The following ZNF292 variants were observed in gnomAD, a reference collection of about 807,000 sequenced individuals.
ZNF292 encodes the protein zinc finger protein 292.
ZNF292 carries 26 observed loss-of-function variants against 217.9 expected under a neutral mutation model. The ratio of observed to expected loss-of-function variants is 0.12; its 90% CI spans 0.09 to 0.17. The LOEUF is 0.17. Ranked by LOEUF, ZNF292 falls within the 10% of genes least tolerant of loss-of-function variation. ZNF292 has a pLI of 1.00. For missense variants in ZNF292, 2,904 were observed against 3,175.2 expected (o/e 0.91, Z 2.05); for synonymous variants, 1,257 against 1,124.1 (o/e 1.12, Z -2.37).
intron 7 of ZNF292, among the ~76,000 whole-genome samples, chr6:87,252,507 C>T (rs1774971819): frequency 6.6e-6 from 1 of 152,292 alleles, no homozygotes; most frequent in African/African-American, 2.4e-5. Flanking sequence ...TCTGAATAAT[C>T]ACACTGCTTC....
chr6:87,163,884 C>T (rs771027682), intron 1 of ZNF292, among the ~76,000 whole-genome samples: 58 of 152,090 alleles, frequency 3.8e-4, no homozygotes, highest in Non-Finnish European at 6.6e-4. Context: ...TAGATTAAAA[C>T]CAGACTAAGA....
At chr6:87,204,566 T>TC (rs1171274763) in intron 1 of ZNF292, among the ~76,000 whole-genome samples, 1 of 140,508 alleles carries the variant, frequency 7.1e-6, no homozygotes, top group Non-Finnish European at 1.5e-5. Flanking sequence ...TTTTTTTTTT[T>TC]TTTTTTTTTT....
chr6:87,224,887 T>C (rs1773264810), intron 4 of ZNF292, among the ~76,000 whole-genome samples: 1 of 152,164 alleles, frequency 6.6e-6, no homozygotes, highest in Admixed American at 6.5e-5. Context: ...TGAAAATACA[T>C]GGGAGTATGA....
intron 1 of ZNF292, among the ~76,000 whole-genome samples, chr6:87,159,660 G>T (rs948605307): frequency 1.3e-5 from 2 of 151,974 alleles, no homozygotes; most frequent in Admixed American, 6.6e-5. Context: ...GTGCCACCAT[G>T]CCCGGCTAAT....
chr6:87,252,177 G>A (rs1774955129), intron 7 of ZNF292, among the ~76,000 whole-genome samples: 1 of 150,960 alleles, frequency 6.6e-6, no homozygotes, highest in Non-Finnish European at 1.5e-5. Flanking sequence ...TTGAGACGTT[G>A]TTTTGCTCTC....
Position 87,258,282 on chromosome 6 carries a change from T to C in ZNF292, c.4653T>C (p.Asn1551=), listed in dbSNP as rs1033650902. The C allele has an allele frequency of 6.2e-7, 1 of 1,613,418 alleles. No individual in the cohort carries two copies. The highest frequency in any genetic ancestry group is 8.5e-7 in the Non-Finnish European group (1 of 1,179,688). The change falls in exon 8 of 8, where the codon AAT becomes AAC. Residue 1551 remains asparagine, a synonymous_variant. Coordinates refer to ENST00000369577, the MANE Select transcript of ZNF292 (RefSeq NM_015021.3). ...CAAACACCTTGCTGACCAACCAGAA[T>C]AGGACGTCAAACTCCAAAACTTCCT... The part of the protein sequence containing the change: ...CHPNTLLTNQ[N]RTSNSKTSSI...
intron 7 of ZNF292, among the ~76,000 whole-genome samples, 166 bp from the exon 8 acceptor site, chr6:87,254,484 A>G (rs1042031224): frequency 6.6e-6 from 1 of 152,236 alleles, no homozygotes; most frequent in Non-Finnish European, 1.5e-5. Flanking sequence ...TTCATTTTAC[A>G]TACACACATA....
intron 3 of ZNF292, among the ~76,000 whole-genome samples, chr6:87,217,399 C>A (rs189319162): frequency 6.6e-6 from 1 of 152,178 alleles, no homozygotes; most frequent in African/African-American, 2.4e-5. Context: ...GTGTCTTGTC[C>A]TGTTTGTCAC....
rs763718160 is a variant in ZNF292, at chr6:87,216,000, G to A, written c.266G>A (p.Arg89Gln). ...TVAIQSYVKARPYLTSECENV... is the reference protein window; with the variant it reads ...TVAIQSYVKAQPYLTSECENV... Reference sequence around the variant, plus strand: ...GCTATCCAAAGTTATGTTAAAGCCCGACCTTATCTTACCTCTGAATGTGAA... The same window carrying A: ...GCTATCCAAAGTTATGTTAAAGCCCAACCTTATCTTACCTCTGAATGTGAA... Residue 89 changes from arginine (R) to glutamine (Q), a missense_variant, in exon 2 of 8, where the codon CGA becomes CAA. By Grantham distance (43) the Arg-to-Gln change is conservative (BLOSUM62 1). Around this residue, in one of 15 missense-constraint regions of ZNF292, gnomAD observed 313 missense variants for 451.0 expected, o/e 0.69. Coordinates refer to ENST00000369577, the MANE Select transcript of ZNF292 (RefSeq NM_015021.3). 12 of 1,586,930 alleles carry A rather than the reference G, an allele frequency of 7.6e-6. No homozygotes were observed. Among genetic ancestry groups the A allele is most frequent in the Non-Finnish European group, 1.0e-5 (12 of 1,172,074 alleles).
intron 4 of ZNF292, among the ~76,000 whole-genome samples, chr6:87,228,037 T>C (rs1773447582): frequency 6.6e-6 from 1 of 152,152 alleles, no homozygotes; most frequent in South Asian, 2.1e-4. Context: ...CCATAGAGGG[T>C]ACATCATTTT....
chr6:87,210,102 G>T (rs1772419665), intron 1 of ZNF292, among the ~76,000 whole-genome samples: 1 of 152,096 alleles, frequency 6.6e-6, no homozygotes, highest in Non-Finnish European at 1.5e-5. Flanking sequence ...GGCAACTAAA[G>T]GAAGCTATCA....
intron 7 of ZNF292, among the ~76,000 whole-genome samples, chr6:87,249,930 G>C (rs959061052): frequency 6.7e-6 from 1 of 149,050 alleles, no homozygotes; most frequent in Middle Eastern, 3.5e-3. Flanking sequence ...GGCTGGTCTC[G>C]AACTCCTGAC....
In ZNF292 at chr6:87,215,888, T is replaced by C; in HGVS notation, c.169-15T>C. On this transcript the variant is annotated splice_polypyrimidine_tract_variant and intron_variant, in intron 1 of 7. Transcript: ENST00000369577. The stretch of plus-strand genomic sequence containing the variant: ...TTTACATTTTGAATACTTTTTATTA[T>C]TCCTTCCAAAACAGACACTCCTAGA... 6.4e-7 allele frequency: 1 copy of C among 1,560,718 alleles called. No individual in the cohort carries two copies. The highest frequency in any genetic ancestry group is 8.6e-7 in the Non-Finnish European group (1 of 1,160,426).
intron 1 of ZNF292, among the ~76,000 whole-genome samples, chr6:87,211,346 A>G (rs866413762): frequency 3.9e-5 from 6 of 152,332 alleles, no homozygotes; most frequent in Middle Eastern, 6.9e-3. Flanking sequence ...CTCTTATGTG[A>G]CAAGCCTCTA....
intron 1 of ZNF292, among the ~76,000 whole-genome samples, chr6:87,174,837 A>G (rs997941892): frequency 5.9e-5 from 9 of 152,188 alleles, no homozygotes; most frequent in East Asian, 1.9e-4. Flanking sequence ...CAATATTATC[A>G]AACAGTGAAA....
Position 87,262,051 on chromosome 6 carries a change from C to G in ZNF292, c.*250C>G, listed in dbSNP as rs893014472. 3.7e-6 allele frequency: 1 copy of G among 268,998 alleles called. No homozygotes were observed. The highest frequency in any genetic ancestry group is 2.2e-5 in the African/African-American group (1 of 45,324). The allele number at this position is 268,998 out of a possible 1,614,324, so 16.7% of individuals were successfully genotyped here. A position where few individuals can be genotyped will look rare whatever the true frequency, so the allele number is the denominator to read the frequency against. ...TGAGCTAAACCTCAAATTTCTATCA[C>G]CCAGTTGCCCTTTTCATGAACTAAA... On this transcript the variant is annotated 3_prime_UTR_variant, in exon 8 of 8. Coordinates refer to ENST00000369577, the MANE Select transcript of ZNF292 (RefSeq NM_015021.3).
intron 1 of ZNF292, among the ~76,000 whole-genome samples, chr6:87,167,823 C>T (rs1188033601): frequency 2.6e-5 from 4 of 152,146 alleles, no homozygotes; most frequent in South Asian, 2.1e-4. Context: ...AGGAATTCTT[C>T]GCTGATTCAG....
intron 1 of ZNF292, among the ~76,000 whole-genome samples, chr6:87,159,118 C>T (rs993957583): frequency 1.3e-5 from 2 of 152,060 alleles, no homozygotes. Context: ...GCTTATGATC[C>T]GTAGTTTATA....
intron 4 of ZNF292, among the ~76,000 whole-genome samples, chr6:87,227,074 G>A (rs1470586060): frequency 6.6e-6 from 1 of 152,122 alleles, no homozygotes; most frequent in East Asian, 1.9e-4. Context: ...CGCAAAAATT[G>A]TAGCATACTA....
Sources: gnomAD v4.1 joint callset for allele counts (sites outside exome capture counted in the v4.1 genomes callset) on GRCh38, gnomAD v4.1.1 for gene constraint, gnomAD v4.1.1 regional missense constraint, MANE v1.5 for transcripts, NCBI Gene and HGNC (gene_info 2026-07-23, HGNC 2026-07-21) for gene names.